The following RASA1 variants were observed in gnomAD, a reference collection of about 807,000 sequenced individuals.
RASA1 encodes the protein RAS p21 protein activator 1, also known as ras GTPase-activating protein 1.
RASA1 carries 25 observed loss-of-function variants against 132.2 expected under a neutral mutation model. The ratio of observed to expected loss-of-function variants is 0.19; its 90% CI spans 0.14 to 0.26. The LOEUF is 0.26. Among genes scored for constraint, RASA1 ranks in the 10% least tolerant of loss-of-function variants. RASA1 has a pLI of 1.00. For synonymous variants in RASA1, 477 were observed against 449.9 expected (o/e 1.06, Z -0.76); for missense variants, 964 against 1,299.2 (o/e 0.74, Z 3.97).
chr5:87,362,499 T>A, intron 9 of RASA1, 52 bp from the exon 10 acceptor site: 2 of 1,536,532 alleles, frequency 1.3e-6, no homozygotes, highest in Non-Finnish European at 9.0e-7. Flanking sequence ...AGATTTTTAC[T>A]TCATTTCCAT....
At chr5:87,338,536 A>ATTTTTTTTTTTTTT (rs1232583853) in intron 5 of RASA1, among the ~76,000 whole-genome samples, 8 of 85,208 alleles carry the variant, frequency 9.4e-5, no homozygotes, top group African/African-American at 3.5e-4. Flanking sequence ...TATATATAAA[A>ATTTTTTTTTTTTTT]TTTTTTTTTT....
At chr5:87,297,261 G>GT (rs1205251007) in intron 1 of RASA1, among the ~76,000 whole-genome samples, 1 of 152,184 alleles carries the variant, frequency 6.6e-6, no homozygotes, top group Non-Finnish European at 1.5e-5. Context: ...TGACATGTCT[G>GT]TTTTTGATAC....
At chr5:87,292,621 T>C (rs1246615382) in intron 1 of RASA1, among the ~76,000 whole-genome samples, 1 of 152,184 alleles carries the variant, frequency 6.6e-6, no homozygotes, top group African/African-American at 2.4e-5. Context: ...TTCAATGTTA[T>C]GTTGGCTATT....
intron 1 of RASA1, among the ~76,000 whole-genome samples, chr5:87,292,694 G>A (rs1348486561): frequency 6.6e-6 from 1 of 152,034 alleles, no homozygotes; most frequent in Non-Finnish European, 1.5e-5. Context: ...CAAAATAATT[G>A]CTGGGATATT....
In RASA1 at chr5:87,268,918, G is replaced by T. The variant is rs373892264; in HGVS notation, c.467G>T (p.Gly156Val). Residue 156 changes from glycine (G) to valine (V), a missense_variant, in exon 1 of 25, where the codon GGT (glycine) becomes GTT (valine). Gly to Val is a moderately radical substitution (Grantham distance 109). Coordinates refer to ENST00000274376, the MANE Select transcript of RASA1 (RefSeq NM_002890.3). Reference protein sequence around the residue: ...LGAGLGTVDEGDSLDGPEYEE... With the variant: ...LGAGLGTVDEVDSLDGPEYEE... ...GCGGGCCTCGGGACAGTGGACGAAG[G>T]TGACTCTCTGGATGGACCAGAATAC... The T allele has an allele frequency of 5.2e-5, 84 of 1,614,100 alleles. No individual in the cohort carries two copies. The highest frequency in any genetic ancestry group is 5.7e-5 in the Non-Finnish European group (67 of 1,180,054).
Position 87,268,608 on chromosome 5 carries a change from G to A in RASA1, c.157G>A (p.Val53Met). ...GGCAGCCGCCCCCTATCCTGGGCTG[G>A]TGGAGACCGGAGTGGCTGGAACTCT... is the stretch of plus-strand genomic sequence containing the variant. ...PVAAAPYPGL[V>M]ETGVAGTLGG... Residue 53 changes from valine to methionine, a missense_variant, in exon 1 of 25, where the codon GTG (valine) becomes ATG (methionine). Val to Met is a conservative substitution (Grantham distance 21). Around this residue, in one of 6 missense-constraint regions of RASA1, gnomAD observed 326 missense variants for 275.8 expected, o/e 1.18. Coordinates refer to ENST00000274376, the MANE Select transcript of RASA1 (RefSeq NM_002890.3). 1 of 1,611,986 alleles carries A rather than the reference G, an allele frequency of 6.2e-7. No homozygotes were observed.
At chr5:87,310,912 C>A (rs914286787) in intron 1 of RASA1, among the ~76,000 whole-genome samples, 4 of 152,094 alleles carry the variant, frequency 2.6e-5, no homozygotes, top group Non-Finnish European at 4.4e-5. Flanking sequence ...TTGTTGTATT[C>A]TTTGCTGCCA....
At chr5:87,271,209 G>A (rs769610075) in intron 1 of RASA1, among the ~76,000 whole-genome samples, 20 of 152,214 alleles carry the variant, frequency 1.3e-4, no homozygotes, top group South Asian at 8.3e-4. Context: ...TTGCACTCCA[G>A]CCTGGGCAAT....
intron 7 of RASA1, among the ~76,000 whole-genome samples, chr5:87,348,832 CT>C (rs914311828): frequency 2.0e-4 from 31 of 151,908 alleles, no homozygotes; most frequent in African/African-American, 7.5e-4. Context: ...CTGGTCTTCA[CT>C]TTTTAGAATC....
chr5:87,311,616 TTAA>T (rs1755916994), intron 1 of RASA1, among the ~76,000 whole-genome samples: 1 of 152,216 alleles, frequency 6.6e-6, no homozygotes, highest in East Asian at 1.9e-4. Flanking sequence ...GAGACAGTGC[TTAA>T]CTGCCGCTCA....
chr5:87,385,779 G>A (rs1002798968), intron 22 of RASA1, among the ~76,000 whole-genome samples: 7 of 151,946 alleles, frequency 4.6e-5, no homozygotes, highest in African/African-American at 9.7e-5. Context: ...TAAGGATAAT[G>A]ACTGATATTC....
At chr5:87,357,503 A>G (rs895872767) in intron 9 of RASA1, among the ~76,000 whole-genome samples, 4 of 152,162 alleles carry the variant, frequency 2.6e-5, no homozygotes, top group Non-Finnish European at 2.9e-5. Flanking sequence ...GTTTTGATCA[A>G]GACCATCCTG....
In RASA1 at chr5:87,268,489, C is replaced by A; in HGVS notation, c.38C>A (p.Pro13Gln). The A allele has an allele frequency of 6.4e-7, 1 of 1,555,650 alleles. No individual in the cohort carries two copies. The highest frequency in any genetic ancestry group is 1.2e-5 in the South Asian group (1 of 84,734). The part of the protein sequence containing the change: ...AAEAGSEEGG[P>Q]VTAGAGGGGA... ...GAGGCCGGCAGTGAGGAGGGCGGCC[C>A]GGTAACAGCCGGAGCTGGAGGAGGC... The change falls in exon 1 of 25, where the codon CCG becomes CAG. Residue 13 changes from proline to glutamine, a missense_variant. Around this residue, in one of 6 missense-constraint regions of RASA1, gnomAD observed 326 missense variants for 275.8 expected, o/e 1.18. Coordinates refer to ENST00000274376, the MANE Select transcript of RASA1 (RefSeq NM_002890.3).
Position 87,349,323 on chromosome 5 carries a change from GC to G in RASA1, c.1214del (p.Pro405GlnfsTer6). On this transcript the variant is annotated frameshift_variant, in exon 8 of 25. Coordinates refer to ENST00000274376, the MANE Select transcript of RASA1 (RefSeq NM_002890.3). LOFTEE classifies it high-confidence loss of function. ...TTCAGCGATTTAAAATATGTCCAAC[GC>G]CAAACAATCAGTTTATGATGGGAGG... ...NIQRFKICPT[P>X]NNQFMMGGRY... The G allele has an allele frequency of 6.2e-7, 1 of 1,611,824 alleles. No individual in the cohort carries two copies. Among genetic ancestry groups the G allele is most frequent in the Non-Finnish European group, 8.5e-7 (1 of 1,178,602 alleles).
At chr5:87,338,322 A>C (rs2112387462) in intron 5 of RASA1, among the ~76,000 whole-genome samples, 1 of 151,350 alleles carries the variant, frequency 6.6e-6, no homozygotes, top group East Asian at 1.9e-4. Context: ...TATGAATTAA[A>C]AATATATTAA....
intron 1 of RASA1, among the ~76,000 whole-genome samples, chr5:87,316,444 A>C (rs757991597): frequency 2.0e-5 from 3 of 152,226 alleles, no homozygotes; most frequent in Non-Finnish European, 4.4e-5. Flanking sequence ...AATCACAAAA[A>C]TACTTCACAA....
intron 1 of RASA1, among the ~76,000 whole-genome samples, chr5:87,273,794 T>C (rs999685262): frequency 1.3e-5 from 2 of 151,712 alleles, no homozygotes; most frequent in African/African-American, 4.8e-5. Context: ...GCCTCCCGGA[T>C]TCAGGTGATT....
chr5:87,307,532 C>T (rs1755675684), intron 1 of RASA1, among the ~76,000 whole-genome samples: 1 of 152,154 alleles, frequency 6.6e-6, no homozygotes, highest in Admixed American at 6.5e-5. Flanking sequence ...ATATTTAGCT[C>T]TTAATTTTAC....
At chr5:87,350,933 A>G (rs1759218570) in intron 8 of RASA1, among the ~76,000 whole-genome samples, 1 of 151,758 alleles carries the variant, frequency 6.6e-6, no homozygotes, top group South Asian at 2.1e-4. Context: ...TATATATTTC[A>G]TTTCAGCATT....
Sources: gnomAD v4.1 joint callset for allele counts (sites outside exome capture counted in the v4.1 genomes callset) on GRCh38, gnomAD v4.1.1 for gene constraint, gnomAD v4.1.1 regional missense constraint, MANE v1.5 for transcripts, NCBI Gene and HGNC (gene_info 2026-07-23, HGNC 2026-07-21) for gene names.